KCNAB2: variants seen among roughly 807,000 people sequenced by gnomAD.
KCNAB2 encodes the protein potassium voltage-gated channel subfamily A regulatory beta subunit 2.
Under a neutral mutation model 63.6 loss-of-function variants are expected in KCNAB2, and 29 were observed. The ratio of observed to expected loss-of-function variants is 0.46; its 90% confidence interval spans 0.34 to 0.62. KCNAB2 has a LOEUF of 0.62. Among genes scored for constraint, KCNAB2 ranks in the 20% least tolerant of loss-of-function variants. The pLI is 0.01. For missense variants in KCNAB2, 359 were observed against 563.9 expected (o/e 0.64, Z 3.68); for synonymous variants, 222 against 224.2 (o/e 0.99, Z 0.09).
In KCNAB2 at chr1:6,079,903, T is replaced by C. The variant is rs76035690; in HGVS notation, c.301-2292T>C. The stretch of plus-strand genomic sequence containing the variant: ...TTACCACAACTTAAAGTCTCTTTGA[T>C]AAATGCAGTAATGTTTTAATTAAAC... On this transcript the variant is annotated intron_variant, in intron 4 of 15. Coordinates refer to ENST00000378083, the MANE Select transcript of KCNAB2 (RefSeq NM_001199862.2). Among the ~76,000 whole-genome samples, 1,118 of 152,338 alleles carry C rather than the reference T, an allele frequency of 7.3e-3. 13 individuals carry two copies. Among genetic ancestry groups the C allele is most frequent in the African/African-American group, 0.026 (1,070 of 41,562 alleles).
intron 2 of KCNAB2, among the ~76,000 whole-genome samples, chr1:6,070,872 C>T (rs1340006932): frequency 1.3e-5 from 2 of 152,204 alleles, no homozygotes; most frequent in Admixed American, 6.5e-5. Flanking sequence ...CCACCCGGTG[C>T]GCCCCTTTCC....
At chr1:6,040,974 C>T (rs112492638), upstream of KCNAB2, among the ~76,000 whole-genome samples, 20 of 152,376 alleles carry the variant, frequency 1.3e-4, no homozygotes, top group African/African-American at 1.7e-4. Context: ...CGGCCAACCC[C>T]GGCATCCTGT....
In KCNAB2 at chr1:6,083,497, C is replaced by T. The variant is rs528387094; in HGVS notation, c.380+1223C>T. Among the ~76,000 whole-genome samples, 18 of 152,294 alleles carry T rather than the reference C, an allele frequency of 1.2e-4. No individual in the cohort carries two copies. In the South Asian group the frequency reaches 1.9e-3, roughly 16 times the overall value. ...GAGCTGGGCAAGTTCCCTGGGTCTC[C>T]GGCAGCCTCGGGCCTCTCGGAAGCC... On this transcript the variant is annotated intron_variant, in intron 5 of 15. Transcript: ENST00000378083.
intron 1 of KCNAB2, among the ~76,000 whole-genome samples, chr1:5,996,982 C>T (rs1293833541): frequency 6.6e-6 from 1 of 152,206 alleles, no homozygotes; most frequent in African/African-American, 2.4e-5. Flanking sequence ...CTGCCAGAGA[C>T]TTAGCTCTCT....
chr1:6,027,136 T>C (rs1484681404), intron 1 of KCNAB2, among the ~76,000 whole-genome samples: 1 of 152,106 alleles, frequency 6.6e-6, no homozygotes, highest in East Asian at 1.9e-4. Context: ...CCCTCTCACT[T>C]GCCTCCTCCA....
rs1416858940 is a variant in KCNAB2, at chr1:6,024,828, C to T, written c.-52-15689C>T. Among the ~76,000 whole-genome samples the T allele has an allele frequency of 6.6e-6, 1 of 152,118 alleles. No homozygotes were observed. The highest frequency in any genetic ancestry group is 1.9e-4 in the East Asian group (1 of 5,190). On this transcript the variant is annotated intron_variant, in intron 1 of 16. Coordinates refer to the KCNAB2 transcript ENST00000341524. This position sits in a 1 kb window ranked among gnomAD's most constrained non-coding sequence, Gnocchi z 5.4. ...GGTCAAGGTATGTGTGAGGAAAGAA[C>T]CCCAATTTCGAGCTGGACACACCTA... is the stretch of plus-strand genomic sequence containing the variant.
chr1:6,079,279 G>A (rs1257190457), intron 4 of KCNAB2, among the ~76,000 whole-genome samples: 1 of 152,142 alleles, frequency 6.6e-6, no homozygotes, highest in Admixed American at 6.5e-5. Context: ...CCGCACTTTG[G>A]GAGGCTGAGG....
chr1:5,999,737 G>A (rs527529502), intron 1 of KCNAB2, among the ~76,000 whole-genome samples: 6 of 152,116 alleles, frequency 3.9e-5, no homozygotes, highest in East Asian at 3.9e-4. Context: ...GCCAGTCCTC[G>A]CCACCCTGTT....
rs542630541 is a variant in KCNAB2, at chr1:6,084,773, G to A, written c.381-431G>A. The stretch of plus-strand genomic sequence containing the variant: ...AGAGGTTGCAGAGAGCCGAGATCTC[G>A]CCACTACATTCCATTGATAGAGCGA... On this transcript the variant is annotated intron_variant, in intron 5 of 15. Transcript: ENST00000378083. Among the ~76,000 whole-genome samples, 44 of 70,738 alleles carry A rather than the reference G, an allele frequency of 6.2e-4. No homozygotes were observed. The East Asian group carries it at 6.8e-3, about 11-fold the overall frequency. The allele number at this position is 70,738 out of a possible 152,430, so 46.4% of individuals were successfully genotyped here. A position where few individuals can be genotyped will look rare whatever the true frequency, so the allele number is the denominator to read the frequency against.
In KCNAB2 at chr1:6,071,892, T is replaced by C. The variant is rs1375499432; in HGVS notation, c.219-863T>C. On this transcript the variant is annotated intron_variant, in intron 2 of 15. Coordinates refer to ENST00000378083, the MANE Select transcript of KCNAB2 (RefSeq NM_001199862.2). The surrounding 1 kb of genome is among the most constrained non-coding windows in gnomAD (Gnocchi z 8.5). ...GTGGGCTCCTCCTGCCGCGTAGGGC[T>C]CCTCCTGCCGCGTAGGGCTCCCGGG... Among the ~76,000 whole-genome samples the C allele has an allele frequency of 6.6e-6, 1 of 151,104 alleles. No individual in the cohort carries two copies. Among genetic ancestry groups the C allele is most frequent in the South Asian group, 2.1e-4 (1 of 4,794 alleles).
At chr1:6,036,901 G>A (rs1249927806) in intron 1 of KCNAB2, among the ~76,000 whole-genome samples, 1 of 152,204 alleles carries the variant, frequency 6.6e-6, no homozygotes, top group Admixed American at 6.5e-5. Flanking sequence ...GGACCAGATA[G>A]TAAATAATTT....
chr1:6,077,533 C>T (rs1225748747), intron 4 of KCNAB2, among the ~76,000 whole-genome samples: 3 of 152,196 alleles, frequency 2.0e-5, no homozygotes, highest in African/African-American at 7.2e-5. Flanking sequence ...CAGTGCCGGA[C>T]CCTGCTGATC....
rs188166529 is a variant in KCNAB2, at chr1:6,035,064, A to G, written c.-53+270A>G. Among the ~76,000 whole-genome samples the G allele has an allele frequency of 2.0e-5, 3 of 152,290 alleles. No individual in the cohort carries two copies. Among genetic ancestry groups the G allele is most frequent in the East Asian group, 1.9e-4 (1 of 5,172 alleles). On this transcript the variant is annotated intron_variant, in intron 1 of 15. Coordinates refer to the KCNAB2 transcript ENST00000164247. This position sits in a 1 kb window ranked among gnomAD's most constrained non-coding sequence, Gnocchi z 5.0. ...GAGGCGTCCAGGGAAGACCTCCATG[A>G]GAAGGTGACCTTGGCATAAAGAGGC...
At chr1:6,006,705 TTCACC>T in intron 1 of KCNAB2, among the ~76,000 whole-genome samples, 1 of 86,774 alleles carries the variant, frequency 1.2e-5, no homozygotes, top group African/African-American at 4.4e-5. Context: ...CATCCCCCAC[TTCACC>T]CTCACTCCTC....
intron 11 of KCNAB2, among the ~76,000 whole-genome samples, chr1:6,095,002 T>C (rs1415738779): frequency 1.3e-5 from 2 of 152,234 alleles, no homozygotes; most frequent in Admixed American, 6.5e-5. Flanking sequence ...ATGTGGACAC[T>C]GTGGCACAGA....
chr1:6,041,793 C>T, upstream of KCNAB2: 1 of 1,589,666 alleles, frequency 6.3e-7, no homozygotes, highest in Non-Finnish European at 8.6e-7. Flanking sequence ...TCTTCTCTCC[C>T]TTTCTCCTTT....
At chr1:6,049,454 C>T (rs967218123) in intron 1 of KCNAB2, among the ~76,000 whole-genome samples, 6 of 152,204 alleles carry the variant, frequency 3.9e-5, no homozygotes, top group African/African-American at 1.4e-4. Flanking sequence ...AGGAAAGAGG[C>T]ACATGGTGTG....
At chr1:6,001,296 CCACACA>C (rs56828069) in intron 1 of KCNAB2, among the ~76,000 whole-genome samples, 8,715 of 146,840 alleles carry the variant, frequency 0.059, 683 homozygotes, top group African/African-American at 0.18. Flanking sequence ...CATGTGATCA[CCACACA>C]CACACACACA....
chr1:6,045,847 TC>T, upstream of KCNAB2: 1 of 957,052 alleles, frequency 1.0e-6, no homozygotes, highest in African/African-American at 1.8e-5. The surrounding 1 kb of genome is among the most constrained non-coding windows in gnomAD (Gnocchi z 4.8). Context: ...GGGCAGGACC[TC>T]CCCCTCACCT....
Sources: allele counts gnomAD v4.1 joint callset (sites outside exome capture counted in the v4.1 genomes callset), GRCh38; gene constraint gnomAD v4.1.1; non-coding constraint Gnocchi (gnomAD v3.1); transcripts MANE v1.5; gene names NCBI Gene and HGNC (gene_info 2026-07-23, HGNC 2026-07-21).